Variants in HOMER2 observed in about 807,000 individuals in gnomAD.
HOMER2 encodes homer protein homolog 2.
A neutral mutation model predicts 47.0 loss-of-function variants in HOMER2; 27 were observed. That is an observed-to-expected ratio of 0.57 (90% CI 0.42 to 0.79). The LOEUF is 0.79. Ranked by LOEUF, HOMER2 falls within the 30% of genes least tolerant of loss-of-function variation. HOMER2 has a pLI of 0.00. For missense variants in HOMER2, 443 were observed against 435.0 expected (o/e 1.02, Z -0.16); for synonymous variants, 161 against 163.8 (o/e 0.98, Z 0.13).
intron 1 of HOMER2, among the ~76,000 whole-genome samples, chr15:82,978,352 G>A (rs1176173104): frequency 6.6e-6 from 1 of 152,092 alleles, no homozygotes; most frequent in East Asian, 1.9e-4. Context: ...TGTGATAAAT[G>A]CATGACTAGG....
intron 1 of HOMER2, among the ~76,000 whole-genome samples, chr15:82,912,925 G>T (rs1306216441): frequency 1.3e-5 from 2 of 152,298 alleles, no homozygotes; most frequent in South Asian, 4.1e-4. Context: ...TTCTTGGGTT[G>T]CAGCTGCCCA....
intron 5 of HOMER2, among the ~76,000 whole-genome samples, chr15:82,857,914 T>A (rs980342288): frequency 2.0e-5 from 3 of 152,164 alleles, no homozygotes; most frequent in Non-Finnish European, 2.9e-5. Context: ...AGATACAAAA[T>A]CATAAGCACC....
chr15:82,957,170 G>A (rs933875144), upstream of HOMER2, among the ~76,000 whole-genome samples: 6 of 151,872 alleles, frequency 4.0e-5, no homozygotes, highest in Non-Finnish European at 5.9e-5. Context: ...CCAGCTACTC[G>A]GGAGGCTGAG....
chr15:82,984,064 G>T (rs2030496845), intron 1 of HOMER2, among the ~76,000 whole-genome samples: 1 of 142,308 alleles, frequency 7.0e-6, no homozygotes, highest in Non-Finnish European at 1.5e-5. Flanking sequence ...ACGGAGTCTT[G>T]CTCTGTCACC....
chr15:82,891,067 T>G (rs2052689244), intron 2 of HOMER2, among the ~76,000 whole-genome samples: 1 of 152,122 alleles, frequency 6.6e-6, no homozygotes, highest in Admixed American at 6.6e-5. Flanking sequence ...TGCGCTATCA[T>G]CCTACTATCA....
upstream of HOMER2, among the ~76,000 whole-genome samples, chr15:82,957,628 G>T (rs1475789266): frequency 6.6e-6 from 1 of 152,100 alleles, no homozygotes; most frequent in African/African-American, 2.4e-5. Context: ...AGAAGACTAT[G>T]GGCTGTCTCT....
At chr15:82,980,783 T>C (rs1242646002) in intron 1 of HOMER2, among the ~76,000 whole-genome samples, 1 of 152,116 alleles carries the variant, frequency 6.6e-6, no homozygotes, top group East Asian at 1.9e-4. Flanking sequence ...GAGTCTTGAA[T>C]TTGGCCCTGG....
chr15:82,892,925 A>T, intron 1 of HOMER2, 84 bp from the exon 2 acceptor site: 2 of 1,088,140 alleles, frequency 1.8e-6, no homozygotes, highest in Admixed American at 2.6e-5. Context: ...ACTGCCCCAA[A>T]AGATTTTAAA....
In HOMER2 at chr15:82,897,006, G is replaced by A. The variant is rs192443954; in HGVS notation, c.6-4165C>T. Among the ~76,000 whole-genome samples the A allele has an allele frequency of 1.4e-4, 21 of 151,748 alleles. 1 individual carries two copies. The highest frequency in any genetic ancestry group is 5.9e-4 in the Admixed American group (9 of 15,258). On this transcript the variant is annotated intron_variant, in intron 1 of 8. Transcript: ENST00000450735. ...GGTGGGGAAACAGGAACTCAGAGAG[G>A]CCAGGTAACCTGACTTGGGTCATGC...
chr15:82,855,274 C>T (rs1246364081), intron 5 of HOMER2, among the ~76,000 whole-genome samples: 12 of 126,006 alleles, frequency 9.5e-5, no homozygotes, highest in Admixed American at 5.4e-4. Flanking sequence ...TGCAGTGAGC[C>T]GAGATCACGC....
At chr15:82,983,975 A>G (rs1413365691) in intron 1 of HOMER2, among the ~76,000 whole-genome samples, 1 of 151,636 alleles carries the variant, frequency 6.6e-6, no homozygotes, top group Non-Finnish European at 1.5e-5. Flanking sequence ...AGCGCACTAT[A>G]GCGCGCTAAC....
intron 1 of HOMER2, among the ~76,000 whole-genome samples, chr15:82,915,570 G>A (rs534194339): frequency 3.3e-5 from 5 of 152,240 alleles, no homozygotes; most frequent in East Asian, 1.9e-4. Context: ...AAAATTTGCC[G>A]GGCATGGTGG....
intron 2 of HOMER2, among the ~76,000 whole-genome samples, chr15:82,878,784 T>C (rs775925154): frequency 6.6e-6 from 1 of 152,294 alleles, no homozygotes; most frequent in Admixed American, 6.5e-5. Flanking sequence ...TGCACCACCA[T>C]GCCCAGCTAA....
exon 2 of HOMER2, chr15:82,843,352 G>C (rs1451487340): frequency 1.4e-5 from 2 of 142,516 alleles, no homozygotes; most frequent in African/African-American, 5.3e-5. Context: ...GTTGACACAT[G>C]AGAATCGCTT....
intron 1 of HOMER2, among the ~76,000 whole-genome samples, chr15:82,968,623 C>A (rs2054697603): frequency 6.6e-6 from 1 of 152,198 alleles, no homozygotes; most frequent in Non-Finnish European, 1.5e-5. Context: ...GGTCTTACTT[C>A]ACTTATCTCA....
At chr15:82,984,761 T>G (rs2030531899) in intron 1 of HOMER2, among the ~76,000 whole-genome samples, 1 of 152,116 alleles carries the variant, frequency 6.6e-6, no homozygotes, top group South Asian at 2.1e-4. Flanking sequence ...GGCTGCAGTA[T>G]GCCATGACCA....
At chr15:82,878,234 C>T (rs992929183) in intron 2 of HOMER2, among the ~76,000 whole-genome samples, 15 of 152,180 alleles carry the variant, frequency 9.9e-5, no homozygotes, top group African/African-American at 2.4e-5. Context: ...AAGCTCACCC[C>T]ATACAGGCTA....
chr15:82,980,012 A>T (rs1411132652), intron 1 of HOMER2, among the ~76,000 whole-genome samples: 1 of 152,192 alleles, frequency 6.6e-6, no homozygotes, highest in Non-Finnish European at 1.5e-5. Context: ...AGGCAAGGTT[A>T]TGGGGATACC....
At chr15:82,863,084 C>T (rs2051847066) in intron 4 of HOMER2, among the ~76,000 whole-genome samples, 1 of 152,156 alleles carries the variant, frequency 6.6e-6, no homozygotes, top group African/African-American at 2.4e-5. Flanking sequence ...GAGACTGCAG[C>T]TACTGCCCCT....
Sources: allele counts gnomAD v4.1 joint callset (sites outside exome capture counted in the v4.1 genomes callset), GRCh38; gene constraint gnomAD v4.1.1; transcripts MANE v1.5; gene names NCBI Gene and HGNC (gene_info 2026-07-23, HGNC 2026-07-21).